The following STXBP5L variants were observed in gnomAD, a reference collection of about 807,000 sequenced individuals.
The protein encoded by STXBP5L is syntaxin binding protein 5L.
Under a neutral mutation model 144.5 loss-of-function variants are expected in STXBP5L, and 65 were observed. The ratio of observed to expected loss-of-function variants is 0.45; its 90% CI spans 0.37 to 0.55. The LOEUF is 0.55. Ranked by LOEUF, STXBP5L falls within the 20% of genes least tolerant of loss-of-function variation. The probability of loss-of-function intolerance (pLI) is 0.00; values close to 1 mark genes in which losing one functional copy is unlikely to be tolerated. For synonymous variants in STXBP5L, 505 were observed against 469.6 expected (o/e 1.08, Z -0.97); for missense variants, 1,298 against 1,405.5 (o/e 0.92, Z 1.22).
chr3:121,258,142 TAA>T (rs1577320141), intron 17 of STXBP5L, among the ~76,000 whole-genome samples: 1 of 152,246 alleles, frequency 6.6e-6, no homozygotes, highest in East Asian at 1.9e-4. Flanking sequence ...CAATAAAACC[TAA>T]AGTTAACAAA....
At chr3:121,205,043 A>G (rs2048285320) in intron 9 of STXBP5L, among the ~76,000 whole-genome samples, 1 of 152,230 alleles carries the variant, frequency 6.6e-6, no homozygotes, top group Admixed American at 6.5e-5. Context: ...TATTTGATAG[A>G]ATAATTTTAA....
intron 5 of STXBP5L, among the ~76,000 whole-genome samples, chr3:121,090,288 C>T (rs1428456918): frequency 6.6e-6 from 1 of 152,072 alleles, no homozygotes; most frequent in Non-Finnish European, 1.5e-5. Context: ...TCCATTTAAA[C>T]TCACTGACAT....
chr3:121,155,771 C>T (rs2046091797), intron 8 of STXBP5L, among the ~76,000 whole-genome samples: 1 of 151,776 alleles, frequency 6.6e-6, no homozygotes, highest in South Asian at 2.1e-4. Context: ...GTTTTACATG[C>T]TTGCTTTTCT....
chr3:121,241,169 A>G (rs1461132194), intron 14 of STXBP5L, among the ~76,000 whole-genome samples: 1 of 152,148 alleles, frequency 6.6e-6, no homozygotes, highest in Non-Finnish European at 1.5e-5. Context: ...CATGGAAGTC[A>G]GTTCCCTAAG....
intron 9 of STXBP5L, among the ~76,000 whole-genome samples, chr3:121,163,230 A>G (rs1200406597): frequency 6.6e-6 from 1 of 152,246 alleles, no homozygotes. Flanking sequence ...ACCGTGGAAT[A>G]CTATGCAGCC....
intron 3 of STXBP5L, among the ~76,000 whole-genome samples, chr3:120,971,107 G>A (rs1399367270): frequency 3.3e-5 from 5 of 152,102 alleles, no homozygotes; most frequent in African/African-American, 7.2e-5. Context: ...TTCTCTGTAG[G>A]GGGGAGGTTC....
chr3:121,057,926 A>C (rs1212622948), intron 5 of STXBP5L, among the ~76,000 whole-genome samples: 1 of 151,984 alleles, frequency 6.6e-6, no homozygotes, highest in Non-Finnish European at 1.5e-5. Context: ...CTGTCTCCCA[A>C]GTAGCATAAC....
At chr3:120,990,344 G>A (rs1942718176) in intron 3 of STXBP5L, among the ~76,000 whole-genome samples, 1 of 152,186 alleles carries the variant, frequency 6.6e-6, no homozygotes, top group Non-Finnish European at 1.5e-5. Flanking sequence ...CTTGCTCATG[G>A]ATAGGAAGAA....
At chr3:120,985,651 G>A (rs1023526824) in intron 3 of STXBP5L, among the ~76,000 whole-genome samples, 3 of 151,876 alleles carry the variant, frequency 2.0e-5, no homozygotes, top group African/African-American at 4.8e-5. Flanking sequence ...AGTGTTGGTA[G>A]ATTTTGTGTT....
At chr3:121,370,585 T>C (rs1022051680) in intron 20 of STXBP5L, among the ~76,000 whole-genome samples, 1 of 152,332 alleles carries the variant, frequency 6.6e-6, no homozygotes, top group Non-Finnish European at 1.5e-5. Flanking sequence ...ATACAGATGA[T>C]ATCATAAATG....
chr3:121,279,591 C>T (rs1018224712), intron 18 of STXBP5L, among the ~76,000 whole-genome samples: 3 of 151,708 alleles, frequency 2.0e-5, no homozygotes, highest in East Asian at 1.9e-4. Context: ...ATATAATTGC[C>T]GATCATCCTT....
chr3:121,089,425 C>G (rs1356489996), intron 5 of STXBP5L, among the ~76,000 whole-genome samples: 1 of 151,744 alleles, frequency 6.6e-6, no homozygotes. Flanking sequence ...GAATAGCATT[C>G]TACTTCCTCC....
chr3:121,268,434 T>A (rs1390303593), intron 18 of STXBP5L, among the ~76,000 whole-genome samples: 4 of 152,018 alleles, frequency 2.6e-5, no homozygotes, highest in Non-Finnish European at 4.4e-5. Flanking sequence ...AGGGGTAGCA[T>A]TAGGAGAAGT....
chr3:121,259,238 C>T (rs2050308642), intron 18 of STXBP5L, 70 bp downstream of exon 18: 5 of 1,248,166 alleles, frequency 4.0e-6, no homozygotes, highest in Non-Finnish European at 4.2e-6. Context: ...ATGTTCCTTG[C>T]TTAAGTCCTA....
At chr3:121,092,609 G>A (rs1018014857) in intron 5 of STXBP5L, among the ~76,000 whole-genome samples, 1 of 152,222 alleles carries the variant, frequency 6.6e-6, no homozygotes, top group East Asian at 1.9e-4. Context: ...TGTGATTTTT[G>A]TACATTGATT....
At chr3:120,992,644 T>A (rs370931521) in intron 3 of STXBP5L, among the ~76,000 whole-genome samples, 14 of 152,298 alleles carry the variant, frequency 9.2e-5, no homozygotes, top group African/African-American at 2.2e-4. Flanking sequence ...ATTCTTTTTT[T>A]AAATAACTGA....
At chr3:121,048,731 G>T (rs1189246730) in intron 5 of STXBP5L, among the ~76,000 whole-genome samples, 1 of 150,970 alleles carries the variant, frequency 6.6e-6, no homozygotes, top group South Asian at 2.1e-4. Flanking sequence ...TATTGCCCAG[G>T]CTGGAGTGCA....
intron 2 of STXBP5L, 60 bp downstream of exon 2, chr3:120,909,827 AGGGGGG>A: frequency 6.7e-7 from 1 of 1,492,876 alleles, no homozygotes; most frequent in Non-Finnish European, 9.0e-7. Flanking sequence ...TAAGGAAACA[AGGGGGG>A]AAAAACATAC....
At chr3:121,181,515 C>T (rs2047153041) in intron 9 of STXBP5L, among the ~76,000 whole-genome samples, 1 of 152,236 alleles carries the variant, frequency 6.6e-6, no homozygotes, top group Non-Finnish European at 1.5e-5. Context: ...GGGCAGATCA[C>T]TTGAGATCAG....
Sources: gnomAD v4.1 joint callset for allele counts (sites outside exome capture counted in the v4.1 genomes callset) on GRCh38, gnomAD v4.1.1 for gene constraint, MANE v1.5 for transcripts, NCBI Gene and HGNC (gene_info 2026-07-23, HGNC 2026-07-21) for gene names.